TMEM131: variants seen among roughly 807,000 people sequenced by gnomAD.
TMEM131 encodes the protein 2610524E03Rik.
A neutral mutation model predicts 211.6 loss-of-function variants in TMEM131; 66 were observed. The ratio of observed to expected loss-of-function variants is 0.31; its 90% CI spans 0.26 to 0.38. The LOEUF is 0.38. Ranked by LOEUF, TMEM131 falls within the 10% of genes least tolerant of loss-of-function variation. The pLI is 1.00. For synonymous variants in TMEM131, 844 were observed against 841.3 expected (o/e 1.00, Z -0.06); for missense variants, 2,036 against 2,299.3 (o/e 0.89, Z 2.34).
At chr2:97,823,552 A>G (rs1682227533) in intron 11 of TMEM131, among the ~76,000 whole-genome samples, 1 of 152,216 alleles carries the variant, frequency 6.6e-6, no homozygotes, top group African/African-American at 2.4e-5. Flanking sequence ...AGTAAATGAT[A>G]GAATGACAGC....
Position 97,801,904 on chromosome 2 carries a change from G to A in TMEM131, c.2709C>T (p.Phe903=). ...IDLRTLEFQV[F]RNSAHPLQSS... ...AAGTTTGAATACTTACACTGTTTCTGAAGACTTGAAATTCTAGTGTTCTCA... is the reference window on the plus strand; with the variant it reads ...AAGTTTGAATACTTACACTGTTTCTAAAGACTTGAAATTCTAGTGTTCTCA... The change falls in exon 25 of 41, where the codon TTC becomes TTT. Residue 903 remains phenylalanine (F), a synonymous_variant. Transcript: ENST00000186436. 6.2e-7 allele frequency: 1 copy of A among 1,606,842 alleles called. No homozygotes were observed. Among genetic ancestry groups the A allele is most frequent in the Non-Finnish European group, 8.5e-7 (1 of 1,176,118 alleles).
At chr2:97,846,180 T>C (rs1023375018) in intron 5 of TMEM131, among the ~76,000 whole-genome samples, 2 of 152,234 alleles carry the variant, frequency 1.3e-5, no homozygotes. Flanking sequence ...TACATAAACT[T>C]TCCGACATAC....
At chr2:97,933,042 C>T (rs1300380418) in intron 1 of TMEM131, among the ~76,000 whole-genome samples, 1 of 152,176 alleles carries the variant, frequency 6.6e-6, no homozygotes, top group East Asian at 1.9e-4. Flanking sequence ...ACATGTTGTA[C>T]AGGCTTGCAG....
intron 1 of TMEM131, among the ~76,000 whole-genome samples, chr2:97,971,207 G>C (rs1304809949): frequency 6.6e-6 from 1 of 152,134 alleles, no homozygotes; most frequent in Non-Finnish European, 1.5e-5. Context: ...ACTGGGTAAA[G>C]GTCAGGGAGA....
chr2:97,967,962 G>C (rs1413825513), intron 1 of TMEM131, among the ~76,000 whole-genome samples: 1 of 151,596 alleles, frequency 6.6e-6, no homozygotes, highest in Non-Finnish European at 1.5e-5. Context: ...CTGAGACACA[G>C]ACACATAACA....
chr2:97,964,403 G>T (rs1678953688), intron 1 of TMEM131, among the ~76,000 whole-genome samples: 1 of 152,190 alleles, frequency 6.6e-6, no homozygotes, highest in South Asian at 2.1e-4. Flanking sequence ...AGTAAATTCA[G>T]TTCCACTGCA....
Position 97,792,856 on chromosome 2 carries a change from C to T in TMEM131, c.3674G>A (p.Ser1225Asn). The T allele has an allele frequency of 6.2e-7, 1 of 1,613,810 alleles. No individual in the cohort carries two copies. The change falls in exon 31 of 41, where the codon AGC (serine) becomes AAC (asparagine). Residue 1225 changes from serine (S) to asparagine (N), a missense_variant. Physicochemically the swap from Ser to Asn is conservative, Grantham distance 46. Around this residue, in one of 3 missense-constraint regions of TMEM131, gnomAD observed 1,623 missense variants for 1,805.9 expected, o/e 0.90. Transcript: ENST00000186436. ...TTCCACGTCAGCTGAGTTTCTATTGCTGTGACTGCTGTGTGGGTGGACCGA... is the reference window on the plus strand; with the variant it reads ...TTCCACGTCAGCTGAGTTTCTATTGTTGTGACTGCTGTGTGGGTGGACCGA... ...GPSVHPHSSH[S>N]NRNSADVENV...
Position 97,760,574 on chromosome 2 carries a change from T to G in TMEM131, c.5108+19A>C, listed in dbSNP as rs1429718247. 6.3e-7 allele frequency: 1 copy of G among 1,599,966 alleles called. No homozygotes were observed. Among genetic ancestry groups the G allele is most frequent in the East Asian group, 2.2e-5 (1 of 44,488 alleles). Reference sequence around the variant, plus strand: ...AGAAGCCTTCCGTCTTTCTAGCGGTTAGTGGTGGTCTACCGTACCTGTCTG... The same window carrying G: ...AGAAGCCTTCCGTCTTTCTAGCGGTGAGTGGTGGTCTACCGTACCTGTCTG... On this transcript the variant is annotated intron_variant, in intron 38 of 40. Transcript: ENST00000186436.
intron 1 of TMEM131, among the ~76,000 whole-genome samples, chr2:97,969,289 G>A (rs549486235): frequency 1.9e-4 from 29 of 152,160 alleles, no homozygotes; most frequent in African/African-American, 7.0e-4. Flanking sequence ...ATAGGGGCAG[G>A]GTAAGGGTGT....
At chr2:97,889,753 T>TA (rs1675305309) in intron 3 of TMEM131, among the ~76,000 whole-genome samples, 1 of 151,470 alleles carries the variant, frequency 6.6e-6, no homozygotes, top group Non-Finnish European at 1.5e-5. Context: ...CCAGGTGGGG[T>TA]AAAAAAGTAT....
chr2:97,939,058 T>G (rs530819903), intron 1 of TMEM131, among the ~76,000 whole-genome samples: 1 of 152,232 alleles, frequency 6.6e-6, no homozygotes, highest in South Asian at 2.1e-4. Context: ...TACCACCAAA[T>G]GCCCACAAGA....
chr2:97,839,665 G>A (rs1281309445), intron 7 of TMEM131, among the ~76,000 whole-genome samples: 2 of 152,210 alleles, frequency 1.3e-5, no homozygotes, highest in Non-Finnish European at 2.9e-5. Context: ...ATACAAGGTG[G>A]CAAAAGTGGT....
chr2:97,876,176 A>C (rs1031513632), intron 4 of TMEM131, among the ~76,000 whole-genome samples: 6 of 152,256 alleles, frequency 3.9e-5, no homozygotes, highest in Admixed American at 2.6e-4. Flanking sequence ...GAATCCCTGA[A>C]TAGACCAATA....
At chr2:97,993,963 A>G (rs1386987422) in intron 1 of TMEM131, among the ~76,000 whole-genome samples, 2 of 152,228 alleles carry the variant, frequency 1.3e-5, no homozygotes, top group Admixed American at 1.3e-4. Context: ...CCCTGTGCTA[A>G]GGGCGCATGA....
intron 8 of TMEM131, among the ~76,000 whole-genome samples, chr2:97,835,589 A>G (rs2105072136): frequency 6.6e-6 from 1 of 152,304 alleles, no homozygotes; most frequent in East Asian, 1.9e-4. Flanking sequence ...GGACTGCCTG[A>G]ATTTCTTCTC....
intron 15 of TMEM131, among the ~76,000 whole-genome samples, chr2:97,813,292 C>T (rs1014823745): frequency 3.9e-5 from 6 of 152,184 alleles, no homozygotes; most frequent in African/African-American, 1.4e-4. Context: ...AGGAGCGAGA[C>T]ATTACTGAAG....
rs530378500 is a variant in TMEM131, at chr2:97,991,810, T to G, written c.187+3666A>C. ...AAATATCAAGCACCTAGCAAAGATT[T>G]TATTTTCCTCCAAGAGTAATTTGGC... is the stretch of plus-strand genomic sequence containing the variant. On this transcript the variant is annotated intron_variant, in intron 1 of 40. Transcript: ENST00000186436. Among the ~76,000 whole-genome samples the G allele has an allele frequency of 5.3e-5, 8 of 152,356 alleles. No homozygotes were observed. The South Asian group carries it at 1.7e-3, about 32-fold the overall frequency.
chr2:97,908,761 G>A, intron 2 of TMEM131, 63 bp from the exon 3 acceptor site: 2 of 1,341,412 alleles, frequency 1.5e-6, no homozygotes, highest in Non-Finnish European at 2.1e-6. Flanking sequence ...ACAGACATAT[G>A]GAATATCCAA....
chr2:97,834,371 C>G (rs532236544), intron 10 of TMEM131, among the ~76,000 whole-genome samples: 9 of 152,308 alleles, frequency 5.9e-5, no homozygotes, highest in African/African-American at 2.2e-4. Context: ...CCTCAATCTT[C>G]CATTTAGATG....
Sources: gnomAD v4.1 joint callset for allele counts (sites outside exome capture counted in the v4.1 genomes callset) on GRCh38, gnomAD v4.1.1 for gene constraint, gnomAD v4.1.1 regional missense constraint, MANE v1.5 for transcripts, NCBI Gene and HGNC (gene_info 2026-07-23, HGNC 2026-07-21) for gene names.